Variants in GOLM1 observed in about 807,000 individuals in gnomAD.
The protein encoded by GOLM1 is epididymis luminal protein 46.
Under a neutral mutation model 50.5 loss-of-function variants are expected in GOLM1, and 31 were observed. The ratio of observed to expected loss-of-function variants is 0.61; its 90% CI spans 0.46 to 0.83. GOLM1 has a LOEUF of 0.83. Among genes scored for constraint, GOLM1 ranks in the 40% least tolerant of loss-of-function variants. The pLI is 0.00. For synonymous variants in GOLM1, 178 were observed against 192.8 expected (o/e 0.92, Z 0.64); for missense variants, 491 against 501.3 (o/e 0.98, Z 0.20).
At chr9:86,028,990 A>G (rs1228423817) in intron 9 of GOLM1, among the ~76,000 whole-genome samples, 1 of 151,880 alleles carries the variant, frequency 6.6e-6, no homozygotes, top group South Asian at 2.1e-4. Context: ...CTGGGACTAC[A>G]GGCGCCCGCC....
At chr9:86,097,590 C>T (rs1160533469) in intron 1 of GOLM1, among the ~76,000 whole-genome samples, 1 of 152,180 alleles carries the variant, frequency 6.6e-6, no homozygotes, top group Non-Finnish European at 1.5e-5. Flanking sequence ...ACCTCAGGGA[C>T]CACGCTGCCT....
intron 1 of GOLM1, among the ~76,000 whole-genome samples, chr9:86,081,586 T>C (rs946430033): frequency 2.0e-5 from 3 of 151,992 alleles, no homozygotes; most frequent in Non-Finnish European, 2.9e-5. Flanking sequence ...AATAGGAAAC[T>C]ACACACAGTA....
chr9:86,075,748 T>A (rs1211541471), intron 3 of GOLM1, among the ~76,000 whole-genome samples: 1 of 152,234 alleles, frequency 6.6e-6, no homozygotes, highest in African/African-American at 2.4e-5. Context: ...AAACAGATTC[T>A]CTTTTCAAAT....
chr9:86,094,032 G>A (rs897406150), intron 1 of GOLM1, among the ~76,000 whole-genome samples: 4 of 152,284 alleles, frequency 2.6e-5, no homozygotes, highest in East Asian at 1.9e-4. Context: ...AGCACACCCC[G>A]GCGCAGCCTG....
At chr9:86,071,668 G>C (rs1270991499) in intron 3 of GOLM1, among the ~76,000 whole-genome samples, 3 of 150,922 alleles carry the variant, frequency 2.0e-5, no homozygotes, top group Non-Finnish European at 4.4e-5. Context: ...GTGAGACTCT[G>C]TCTCAAAAAG....
intron 6 of GOLM1, among the ~76,000 whole-genome samples, chr9:86,037,094 C>T (rs1477502130): frequency 6.6e-6 from 1 of 152,094 alleles, no homozygotes; most frequent in African/African-American, 2.4e-5. Context: ...CCAGTGAGTC[C>T]AACAATAAAC....
intron 3 of GOLM1, among the ~76,000 whole-genome samples, chr9:86,075,000 G>A (rs989228672): frequency 6.6e-6 from 1 of 152,172 alleles, no homozygotes; most frequent in Non-Finnish European, 1.5e-5. Flanking sequence ...AAATGGAGGC[G>A]ATAATGTTAG....
chr9:86,030,458 A>G (rs957532945), intron 9 of GOLM1, among the ~76,000 whole-genome samples: 2 of 152,224 alleles, frequency 1.3e-5, no homozygotes, highest in East Asian at 3.8e-4. Context: ...AATTGAAACA[A>G]CTGACATCCT....
chr9:86,061,369 G>A (rs1225206670), intron 3 of GOLM1, among the ~76,000 whole-genome samples: 1 of 152,174 alleles, frequency 6.6e-6, no homozygotes, highest in East Asian at 1.9e-4. Context: ...CTTTGCTGCA[G>A]TATTTCTCAT....
At chr9:86,069,481 T>G (rs1187542184) in intron 3 of GOLM1, among the ~76,000 whole-genome samples, 3 of 152,164 alleles carry the variant, frequency 2.0e-5, no homozygotes, top group Non-Finnish European at 4.4e-5. Context: ...GGCAGCTCAA[T>G]CCCCAAGAAC....
rs1274064403 is a variant in GOLM1 at position 86,038,612 on chromosome 9, T to C, written c.598-2105A>G. 2.6e-5 allele frequency among the ~76,000 whole-genome samples: 4 copies of C among 151,814 alleles called. No individual in the cohort carries two copies. In the East Asian group the frequency reaches 7.7e-4, roughly 29 times the overall value. On this transcript the variant is annotated intron_variant, in intron 6 of 9. Transcript: ENST00000388712. ...AAGGGACTCAGGCTCACTAAAACAC[T>C]CAGGCTCACTAAAAACCCTCATACT...
chr9:86,099,678 C>A (rs148272757), upstream of GOLM1: 13,982 of 151,026 alleles, frequency 0.093, 715 homozygotes, highest in South Asian at 0.14. Context: ...ACTCCCGGCC[C>A]CACGGTGCGC....
At chr9:86,052,670 T>C in intron 3 of GOLM1, 79 bp from the exon 4 acceptor site, 1 of 1,157,194 alleles carries the variant, frequency 8.6e-7, no homozygotes, top group South Asian at 1.2e-5. Flanking sequence ...AAACCAATGA[T>C]GGGGCCTGTC....
chr9:86,092,582 T>C (rs1835220484), intron 1 of GOLM1, among the ~76,000 whole-genome samples: 1 of 152,202 alleles, frequency 6.6e-6, no homozygotes, highest in South Asian at 2.1e-4. Context: ...GGTGAGCAGC[T>C]GTCTAGACAG....
intron 3 of GOLM1, among the ~76,000 whole-genome samples, chr9:86,068,623 C>A (rs772167864): frequency 6.6e-6 from 1 of 152,250 alleles, no homozygotes; most frequent in Non-Finnish European, 1.5e-5. Context: ...CAAGGCACCC[C>A]AGACATGCAG....
At chr9:86,099,102 G>A (rs1447191943) in intron 1 of GOLM1, among the ~76,000 whole-genome samples, 2 of 152,172 alleles carry the variant, frequency 1.3e-5, no homozygotes. Flanking sequence ...AAAAAGACAG[G>A]CCCCGCATCG....
At chr9:86,094,164 G>T (rs1273163752) in intron 1 of GOLM1, among the ~76,000 whole-genome samples, 3 of 149,702 alleles carry the variant, frequency 2.0e-5, no homozygotes, top group Admixed American at 1.3e-4. Context: ...TCCGGGCCTG[G>T]TTTTTTTTTT....
intron 7 of GOLM1, 52 bp from the exon 8 acceptor site, chr9:86,035,677 A>T: frequency 6.9e-7 from 1 of 1,439,790 alleles, no homozygotes; most frequent in Non-Finnish European, 9.3e-7. Context: ...GATTTAAAAA[A>T]AAAAAAAAAA....
chr9:86,084,380 G>A (rs986734868), intron 1 of GOLM1, among the ~76,000 whole-genome samples: 1 of 152,084 alleles, frequency 6.6e-6, no homozygotes, highest in Non-Finnish European at 1.5e-5. Context: ...GAGGCACATC[G>A]ACATCACATA....
Sources: gnomAD v4.1 joint callset for allele counts (sites outside exome capture counted in the v4.1 genomes callset) on GRCh38, gnomAD v4.1.1 for gene constraint, MANE v1.5 for transcripts, NCBI Gene and HGNC (gene_info 2026-07-23, HGNC 2026-07-21) for gene names.